The following IQCE variants were observed in gnomAD, a reference collection of about 807,000 sequenced individuals.
IQCE encodes the protein IQ domain-containing protein E.
IQCE carries 115 observed loss-of-function variants against 96.0 expected under a neutral mutation model. The ratio of observed to expected loss-of-function variants is 1.20; its 90% confidence interval spans 1.03 to 1.40. The LOEUF (loss-of-function observed/expected upper bound fraction) is 1.40, where lower values mean the gene tolerates loss of function less well. Among genes scored for constraint, IQCE ranks in the 40% most tolerant of loss-of-function variants. The pLI is 0.00. For synonymous variants in IQCE, 412 were observed against 371.2 expected (o/e 1.11, Z -1.26); for missense variants, 1,041 against 909.1 (o/e 1.15, Z -1.87).
intron 16 of IQCE, among the ~76,000 whole-genome samples, chr7:2,597,637 A>G (rs565409185): frequency 6.6e-6 from 1 of 152,138 alleles, no homozygotes; most frequent in African/African-American, 2.4e-5. Context: ...TGGATGATAC[A>G]TTTGGAGTCA....
chr7:2,598,445 A>T lies in IQCE; in HGVS notation c.1441-20A>T, dbSNP rs750684003. On this transcript the variant is annotated intron_variant, in intron 16 of 21. Transcript: ENST00000402050. ...CCTGCCCTGGCTTCATTGTCCTCTT[A>T]CTCCTTCAATTTCCTGCAGGCCCAA... 1 of 1,552,540 alleles carries T rather than the reference A, an allele frequency of 6.4e-7. No homozygotes were observed. Among genetic ancestry groups the T allele is most frequent in the South Asian group, 1.2e-5 (1 of 82,658 alleles).
Position 2,582,594 on chromosome 7 carries a change from G to A in IQCE, c.645G>A (p.Leu215=). ...TCCCCGGGCAGGTCATTAACGGGCT[G>A]AAGCAGAGGATCCTGAAGCTGGAAC... ...RPDASWVING[L]KQRILKLEQQ... Residue 215 remains leucine, a synonymous_variant, in exon 9 of 22, where the codon CTG becomes CTA. Coordinates refer to ENST00000402050, the MANE Select transcript of IQCE (RefSeq NM_152558.5). The A allele has an allele frequency of 6.2e-7, 1 of 1,614,094 alleles. No individual in the cohort carries two copies. The highest frequency in any genetic ancestry group is 8.5e-7 in the Non-Finnish European group (1 of 1,179,988).
At chr7:2,582,467 C>T (rs1550204) in intron 8 of IQCE, 113 bp from the exon 9 acceptor site, 155,264 of 844,536 alleles carry the variant, frequency 0.18, 16,283 homozygotes, top group East Asian at 0.35. Flanking sequence ...GAGAGCACAG[C>T]GCTGGAGGGA....
At chr7:2,609,689 C>T (rs1480236687) in intron 21 of IQCE, among the ~76,000 whole-genome samples, 1 of 151,336 alleles carries the variant, frequency 6.6e-6, no homozygotes, top group African/African-American at 2.4e-5. Flanking sequence ...GAGAGTGAGG[C>T]TTTCTAGCAG....
intron 17 of IQCE, among the ~76,000 whole-genome samples, chr7:2,600,562 C>G (rs7778756): frequency 0.17 from 25,819 of 152,180 alleles, 2,551 homozygotes; most frequent in African/African-American, 0.26. Context: ...CTCCCGAAAG[C>G]GTGGGAGAAA....
rs763936287 is a variant in IQCE at position 2,594,939 on chromosome 7, AAGAAG to A, written c.1408_1412del (p.Glu470ArgfsTer9). On this transcript the variant is annotated frameshift_variant, in exon 16 of 22. Transcript: ENST00000402050. LOFTEE classifies it high-confidence loss of function. ...CTCCAAGAATTGCAAGAAATGAAGA[AAGAAG>A]AGAAAGAGGATTGCCCGGAAGTTCC... 2 of 1,613,888 alleles carry A rather than the reference AAGAAG, an allele frequency of 1.2e-6. No individual in the cohort carries two copies. The highest frequency in any genetic ancestry group is 2.2e-5 in the East Asian group (1 of 44,886).
chr7:2,604,811 C>G (rs2128471798), intron 18 of IQCE, 70 bp from the exon 19 acceptor site: 12 of 1,088,308 alleles, frequency 1.1e-5, no homozygotes. Flanking sequence ...CTCCTCGGCG[C>G]CTCCCTCTCG....
chr7:2,585,024 C>T (rs1782987319), intron 11 of IQCE, among the ~76,000 whole-genome samples: 1 of 151,846 alleles, frequency 6.6e-6, no homozygotes, highest in African/African-American at 2.4e-5. Context: ...AGGTACAGGG[C>T]TCCTGCGAGC....
chr7:2,602,867 C>T (rs1202547179), intron 18 of IQCE, among the ~76,000 whole-genome samples: 2 of 152,222 alleles, frequency 1.3e-5, no homozygotes, highest in Non-Finnish European at 2.9e-5. Flanking sequence ...CGCGCAGCTG[C>T]AGTGGGAGCA....
At position 2,594,974 on chromosome 7, in the gene IQCE, A is replaced by T. The variant is rs755517967; in HGVS notation, c.1438A>T (p.Lys480Ter). 6.2e-7 allele frequency: 1 copy of T among 1,605,042 alleles called. No homozygotes were observed. Among genetic ancestry groups the T allele is most frequent in the Non-Finnish European group, 8.5e-7 (1 of 1,171,796 alleles). Residue 480 changes from lysine to a stop codon, truncating the protein, a stop_gained and splice_region_variant, in exon 16 of 22, where the codon AAG (lysine) becomes TAG (stop). Transcript: ENST00000402050. LOFTEE classifies it high-confidence loss of function. ...AGAGGATTGCCCGGAAGTTCCTCATAAGGTACAGTGACCATTCAGTTGAGT... is the reference window on the plus strand; with the variant it reads ...AGAGGATTGCCCGGAAGTTCCTCATTAGGTACAGTGACCATTCAGTTGAGT... The part of the protein sequence containing the change: ...EKEDCPEVPH[K>*]AQELPAPTPS...
chr7:2,568,879 C>T (rs1781566173), intron 2 of IQCE, 75 bp from the exon 3 acceptor site: 1 of 1,383,802 alleles, frequency 7.2e-7, no homozygotes, highest in Non-Finnish European at 1.0e-6. Flanking sequence ...CTGACCCTTT[C>T]TGAACATGGT....
chr7:2,579,805 A>T (rs1372524353), intron 8 of IQCE, among the ~76,000 whole-genome samples: 2 of 151,468 alleles, frequency 1.3e-5, no homozygotes, highest in African/African-American at 4.8e-5. Flanking sequence ...GTGCAGTGGC[A>T]GGATCATGGC....
chr7:2,584,378 T>C, intron 11 of IQCE, 93 bp downstream of exon 11: 1 of 1,161,112 alleles, frequency 8.6e-7, no homozygotes, highest in Non-Finnish European at 1.3e-6. Context: ...GGGTGCGGCA[T>C]ATACTGCCCT....
At chr7:2,603,093 C>T (rs1250106028) in intron 18 of IQCE, among the ~76,000 whole-genome samples, 3 of 152,194 alleles carry the variant, frequency 2.0e-5, no homozygotes, top group Non-Finnish European at 4.4e-5. Context: ...CCATCTCACA[C>T]ATCTGCAATG....
At chr7:2,606,851 G>T (rs541692312) in intron 20 of IQCE, among the ~76,000 whole-genome samples, 1 of 152,160 alleles carries the variant, frequency 6.6e-6, no homozygotes, top group Admixed American at 6.5e-5. Flanking sequence ...GAACGGAGCC[G>T]TCTGAGGCCA....
In IQCE at chr7:2,578,272, C is replaced by G. The variant is rs372270614; in HGVS notation, c.496C>G (p.Leu166Val). Residue 166 changes from leucine to valine, a missense_variant, in exon 7 of 22, where the codon CTG becomes GTG. By Grantham distance (32) the Leu-to-Val change is conservative (BLOSUM62 1). Coordinates refer to ENST00000402050, the MANE Select transcript of IQCE (RefSeq NM_152558.5). ...SLHVQKSDVD[L>V]MRTKLRRLEE... ...GCACGTGCAGAAGAGCGACGTGGAC[C>G]TGATGAGAACGAAGCTCCGGCGCCT... 8 of 1,613,698 alleles carry G rather than the reference C, an allele frequency of 5.0e-6. No homozygotes were observed. Among genetic ancestry groups the G allele is most frequent in the Admixed American group, 3.3e-5 (2 of 59,984 alleles).
chr7:2,585,871 C>T (rs143482167), intron 11 of IQCE, among the ~76,000 whole-genome samples: 23 of 152,176 alleles, frequency 1.5e-4, no homozygotes, highest in African/African-American at 5.3e-4. Flanking sequence ...GGCTAAGAGG[C>T]GAAACCCGAG....
At chr7:2,592,275 A>G (rs920681146) in intron 14 of IQCE, among the ~76,000 whole-genome samples, 1 of 152,238 alleles carries the variant, frequency 6.6e-6, no homozygotes, top group Non-Finnish European at 1.5e-5. Context: ...TTAGTATTTC[A>G]CGACAAGCTT....
chr7:2,592,709 C>A (rs991518950), intron 14 of IQCE, among the ~76,000 whole-genome samples: 1 of 152,234 alleles, frequency 6.6e-6, no homozygotes, highest in Non-Finnish European at 1.5e-5. Context: ...CACCCTCACA[C>A]GGGTGCGAGG....
Sources: allele counts gnomAD v4.1 joint callset (sites outside exome capture counted in the v4.1 genomes callset), GRCh38; gene constraint gnomAD v4.1.1; transcripts MANE v1.5; gene names NCBI Gene and HGNC (gene_info 2026-07-23, HGNC 2026-07-21).